Variants in ARHGAP5 observed in about 807,000 individuals in gnomAD.
The protein encoded by ARHGAP5 is Rho GTPase activating protein 5, also known as rho GTPase-activating protein 5.
Under a neutral mutation model 116.6 loss-of-function variants are expected in ARHGAP5, and 23 were observed. The ratio of observed to expected loss-of-function variants is 0.20; its 90% CI spans 0.14 to 0.28. The LOEUF is 0.28. Among genes scored for constraint, ARHGAP5 ranks in the 10% least tolerant of loss-of-function variants. The pLI, the probability that ARHGAP5 is intolerant of heterozygous loss-of-function variation, is 1.00. For missense variants in ARHGAP5, 1,405 were observed against 1,774.8 expected, an observed-to-expected ratio of 0.79 and a Z score of 3.74; for synonymous variants, 574 against 602.0, an observed-to-expected ratio of 0.95 and a Z score of 0.68.
intron 2 of ARHGAP5, among the ~76,000 whole-genome samples, chr14:32,112,135 T>C (rs1879340340): frequency 6.6e-6 from 1 of 152,182 alleles, no homozygotes; most frequent in African/African-American, 2.4e-5. Context: ...TTTTTTAATT[T>C]CAAGAATCAC....
chr14:32,103,758 C>G (rs1404407982), intron 2 of ARHGAP5, among the ~76,000 whole-genome samples: 1 of 152,100 alleles, frequency 6.6e-6, no homozygotes, highest in East Asian at 1.9e-4. Flanking sequence ...CCTGTCATCT[C>G]AGCTAAAGTG....
In ARHGAP5 at chr14:32,106,211, T is replaced by C. The variant is rs569640129; in HGVS notation, c.3718-10929T>C. ...ATCTCAGCTCACTGCAACCTCTGCC[T>C]CCCAGGTTCAAGTAATTCTCTGCCT... On this transcript the variant is annotated intron_variant, in intron 2 of 6. Coordinates refer to ENST00000345122, the MANE Select transcript of ARHGAP5 (RefSeq NM_001030055.2). Among the ~76,000 whole-genome samples the C allele has an allele frequency of 1.6e-3, 249 of 152,310 alleles. 2 individuals are homozygous for C. The highest frequency in any genetic ancestry group is 2.8e-3 in the Non-Finnish European group (191 of 68,024).
At position 32,138,409 on chromosome 14, in the gene ARHGAP5, G is replaced by A. The variant is rs559063858; in HGVS notation, c.3866-7854G>A. ...AGCAATTCTCTTGCCTCAGCTTCCCGAGTAGCTGGGATTACAGGTGGGTGC... is the reference window on the plus strand; with the variant it reads ...AGCAATTCTCTTGCCTCAGCTTCCCAAGTAGCTGGGATTACAGGTGGGTGC... On this transcript the variant is annotated intron_variant, in intron 3 of 6. Coordinates refer to ENST00000345122, the MANE Select transcript of ARHGAP5 (RefSeq NM_001030055.2). 3.3e-5 allele frequency among the ~76,000 whole-genome samples: 5 copies of A among 152,208 alleles called. No individual in the cohort carries two copies. In the East Asian group the frequency reaches 7.7e-4, roughly 24 times the overall value.
intron 3 of ARHGAP5, among the ~76,000 whole-genome samples, chr14:32,140,857 GTC>G (rs1377531464): frequency 3.3e-5 from 5 of 152,142 alleles, no homozygotes; most frequent in African/African-American, 9.7e-5. Flanking sequence ...AGTGTTCAAA[GTC>G]TCTGTTTTCC....
intron 3 of ARHGAP5, among the ~76,000 whole-genome samples, chr14:32,121,179 TTTGGTTTTGGTAGAAACAGGG>T (rs1216373944): frequency 1.1e-4 from 17 of 151,912 alleles, no homozygotes; most frequent in Non-Finnish European, 2.2e-4. Flanking sequence ...AGCCACCTTT[TTTGGTTTTGGTAGAAACAGGG>T]TTTTGCCATT....
intron 2 of ARHGAP5, among the ~76,000 whole-genome samples, chr14:32,109,286 C>T (rs1879170958): frequency 6.6e-6 from 1 of 151,488 alleles, no homozygotes; most frequent in African/African-American, 2.4e-5. Flanking sequence ...TTTTATTCTT[C>T]ATTAGCAAAG....
rs1242749978 is a variant in ARHGAP5, at chr14:32,093,684, T to C, written c.3015T>C (p.Ser1005=). 3 of 1,614,060 alleles carry C rather than the reference T, an allele frequency of 1.9e-6. No homozygotes were observed. In the Admixed American group the frequency reaches 5.0e-5, roughly 27 times the overall value. ...GDDVQLLPTP[S]DRSRYRLDLE... ...ATGTACAGTTGCTTCCAACACCTAG[T>C]GACCGTTCCAGATATAGATTAGATT... The change falls in exon 2 of 7, where the codon AGT becomes AGC. Residue 1005 remains serine (S), a synonymous_variant. Coordinates refer to ENST00000345122, the MANE Select transcript of ARHGAP5 (RefSeq NM_001030055.2).
intron 1 of ARHGAP5, 74 bp downstream of exon 1, chr14:32,077,509 G>A (rs1474824047): frequency 7.6e-6 from 5 of 654,674 alleles, no homozygotes; most frequent in Non-Finnish European, 1.4e-5. Flanking sequence ...GCGGCTAGCT[G>A]CCCCGCTCGG....
chr14:32,131,789 G>C (rs543297012), intron 3 of ARHGAP5, among the ~76,000 whole-genome samples: 211 of 151,902 alleles, frequency 1.4e-3, no homozygotes, highest in African/African-American at 4.8e-3. Flanking sequence ...CTGTGTCCAC[G>C]TGTTCTCATT....
chr14:32,094,018 A>T lies in ARHGAP5; in HGVS notation c.3349A>T (p.Asn1117Tyr). Residue 1117 changes from asparagine to tyrosine, a missense_variant, in exon 2 of 7, where the codon AAT becomes TAT. This residue lies in a region of ARHGAP5 where 944 missense variants were observed against 1,095.3 expected (regional missense o/e 0.86). Transcript: ENST00000345122. ...TTATGTTGTCCCAGATGATAGTCAA[A>T]ATCGTATTAAAATTCGAAACTCATT... ...EIYVVPDDSQNRIKIRNSFVN... is the reference protein window; with the variant it reads ...EIYVVPDDSQYRIKIRNSFVN... 1 of 1,613,218 alleles carries T rather than the reference A, an allele frequency of 6.2e-7. No individual in the cohort carries two copies. The highest frequency in any genetic ancestry group is 8.5e-7 in the Non-Finnish European group (1 of 1,179,808).
chr14:32,122,135 A>AT (rs946553828), intron 3 of ARHGAP5, among the ~76,000 whole-genome samples: 2 of 152,210 alleles, frequency 1.3e-5, no homozygotes, highest in African/African-American at 4.8e-5. Context: ...ACCACTTGAC[A>AT]TTCCCATCAG....
chr14:32,093,682 A>G lies in ARHGAP5; in HGVS notation c.3013A>G (p.Ser1005Gly), dbSNP rs1878378686. ...TGATGTACAGTTGCTTCCAACACCT[A>G]GTGACCGTTCCAGATATAGATTAGA... ...GDDVQLLPTP[S>G]DRSRYRLDLE... is the part of the protein sequence containing the mutation. Residue 1005 changes from serine (S) to glycine (G), a missense_variant, in exon 2 of 7, where the codon AGT becomes GGT. Physicochemically the swap from Ser to Gly is moderately conservative, Grantham distance 56 (BLOSUM62 0). Coordinates refer to ENST00000345122, the MANE Select transcript of ARHGAP5 (RefSeq NM_001030055.2). The G allele has an allele frequency of 1.9e-6, 3 of 1,614,058 alleles. No individual in the cohort carries two copies. The highest frequency in any genetic ancestry group is 3.3e-5 in the Admixed American group (2 of 60,006).
At chr14:32,135,315 A>G (rs998011722) in intron 3 of ARHGAP5, among the ~76,000 whole-genome samples, 1 of 152,170 alleles carries the variant, frequency 6.6e-6, no homozygotes, top group African/African-American at 2.4e-5. Flanking sequence ...GCTGAAAGCA[A>G]CTCATCTATT....
At chr14:32,080,267 A>T (rs1221697601) in intron 1 of ARHGAP5, among the ~76,000 whole-genome samples, 1 of 151,366 alleles carries the variant, frequency 6.6e-6, no homozygotes, top group South Asian at 2.1e-4. Flanking sequence ...TTCTATTTTC[A>T]TGTATTAAGT....
chr14:32,102,481 T>C (rs1349281553), intron 2 of ARHGAP5, among the ~76,000 whole-genome samples: 2 of 152,336 alleles, frequency 1.3e-5, no homozygotes, highest in South Asian at 2.1e-4. Flanking sequence ...ACCCAAGAGT[T>C]TGAGATTGCA....
chr14:32,115,280 A>C (rs1449255218), intron 2 of ARHGAP5, among the ~76,000 whole-genome samples: 1 of 152,210 alleles, frequency 6.6e-6, no homozygotes, highest in Non-Finnish European at 1.5e-5. Flanking sequence ...GCTACATTGA[A>C]GTTAAACTGT....
At chr14:32,101,526 A>G (rs978631746) in intron 2 of ARHGAP5, among the ~76,000 whole-genome samples, 1 of 152,134 alleles carries the variant, frequency 6.6e-6, no homozygotes, top group African/African-American at 2.4e-5. Flanking sequence ...AGAATGCATA[A>G]GTTATGAGAA....
intron 3 of ARHGAP5, among the ~76,000 whole-genome samples, chr14:32,145,359 C>T (rs1041953736): frequency 3.3e-5 from 5 of 152,248 alleles, no homozygotes; most frequent in African/African-American, 7.2e-5. Context: ...ACTCCATGCT[C>T]TGTGGCTTGA....
At chr14:32,102,786 T>G (rs1479391665) in intron 2 of ARHGAP5, among the ~76,000 whole-genome samples, 2 of 152,206 alleles carry the variant, frequency 1.3e-5, no homozygotes, top group Non-Finnish European at 2.9e-5. Flanking sequence ...AAAGAACTGT[T>G]CATGTGTTTA....
Sources: gnomAD v4.1 joint callset for allele counts (sites outside exome capture counted in the v4.1 genomes callset) on GRCh38, gnomAD v4.1.1 for gene constraint, gnomAD v4.1.1 regional missense constraint, MANE v1.5 for transcripts, NCBI Gene and HGNC (gene_info 2026-07-23, HGNC 2026-07-21) for gene names.